The following SORCS3 variants were observed in gnomAD, a reference collection of about 807,000 sequenced individuals.
The protein encoded by SORCS3 is VPS10 domain-containing receptor SorCS3.
SORCS3 carries 57 observed loss-of-function variants against 146.3 expected under a neutral mutation model. That is an observed-to-expected ratio of 0.39 (90% CI 0.31 to 0.49). The LOEUF is 0.49. Among genes scored for constraint, SORCS3 ranks in the 20% least tolerant of loss-of-function variants. SORCS3 has a pLI of 0.92. For missense variants in SORCS3, 1,341 were observed against 1,575.5 expected (o/e 0.85, Z 2.52); for synonymous variants, 653 against 618.5 (o/e 1.06, Z -0.83).
At chr10:105,205,085 A>G (rs1277839633) in intron 16 of SORCS3, among the ~76,000 whole-genome samples, 1 of 152,156 alleles carries the variant, frequency 6.6e-6, no homozygotes, top group East Asian at 1.9e-4. Flanking sequence ...ATGTTTCCCT[A>G]GGCCAAATCA....
intron 3 of SORCS3, among the ~76,000 whole-genome samples, chr10:104,969,885 T>A (rs1469972758): frequency 2.0e-5 from 3 of 152,178 alleles, no homozygotes; most frequent in Non-Finnish European, 4.4e-5. Context: ...GAAACAGAGC[T>A]AGGGGAAGAA....
Position 105,214,631 on chromosome 10 carries a change from T to C in SORCS3, c.2547+18T>C. 1 of 1,541,096 alleles carries C rather than the reference T, an allele frequency of 6.5e-7. No individual in the cohort carries two copies. The highest frequency in any genetic ancestry group is 8.7e-7 in the Non-Finnish European group (1 of 1,144,838). On this transcript the variant is annotated intron_variant, in intron 18 of 26. Coordinates refer to ENST00000369701, the MANE Select transcript of SORCS3 (RefSeq NM_014978.3). ...TGGAGGAGGTAGGTGCTCAACTGGGTCTCTGAGGTCAGAACTCCCAACCAG... is the reference window on the plus strand; with the variant it reads ...TGGAGGAGGTAGGTGCTCAACTGGGCCTCTGAGGTCAGAACTCCCAACCAG...
intron 5 of SORCS3, among the ~76,000 whole-genome samples, chr10:105,080,328 C>T (rs976125925): frequency 6.6e-6 from 1 of 152,174 alleles, no homozygotes. Context: ...AGCTGTTTTT[C>T]ATATGCTTGC....
chr10:104,795,629 C>T (rs2451463), intron 1 of SORCS3, among the ~76,000 whole-genome samples: 74,344 of 152,096 alleles, frequency 0.49, 18,797 homozygotes, highest in African/African-American at 0.63. Context: ...TGCCTTGTCA[C>T]TAAATCCGGT....
intron 19 of SORCS3, among the ~76,000 whole-genome samples, chr10:105,222,757 A>G (rs2056711504): frequency 6.6e-6 from 1 of 152,212 alleles, no homozygotes; most frequent in Admixed American, 6.5e-5. Context: ...CCAAATCACA[A>G]TACAGGCTAA....
intron 14 of SORCS3, 68 bp downstream of exon 14, chr10:105,178,241 G>C: frequency 7.7e-7 from 1 of 1,304,252 alleles, no homozygotes; most frequent in East Asian, 2.4e-5. Context: ...TTGAGGCCTT[G>C]GATTTTTCCC....
At chr10:104,931,885 G>A (rs1327605078) in intron 3 of SORCS3, among the ~76,000 whole-genome samples, 1 of 152,172 alleles carries the variant, frequency 6.6e-6, no homozygotes, top group African/African-American at 2.4e-5. Context: ...TATCCAAAGT[G>A]GTCTTTGGCC....
chr10:105,090,972 A>T (rs1456042607), intron 6 of SORCS3, among the ~76,000 whole-genome samples: 1 of 152,190 alleles, frequency 6.6e-6, no homozygotes, highest in African/African-American at 2.4e-5. Context: ...AGAAATGTGC[A>T]TTTGGGGGAA....
chr10:104,804,175 G>A (rs1028897698), intron 1 of SORCS3, among the ~76,000 whole-genome samples: 4 of 152,146 alleles, frequency 2.6e-5, no homozygotes, highest in Admixed American at 6.5e-5. Flanking sequence ...TCTGACAAGT[G>A]TCCAGAAGAT....
chr10:104,977,200 A>G, intron 3 of SORCS3, 135 bp from the exon 4 acceptor site: 1 of 575,876 alleles, frequency 1.7e-6, no homozygotes. Flanking sequence ...TAATACAAGT[A>G]TTTTTTACAG....
chr10:105,007,601 C>A (rs1027142094), intron 4 of SORCS3, among the ~76,000 whole-genome samples: 1 of 152,140 alleles, frequency 6.6e-6, no homozygotes, highest in Non-Finnish European at 1.5e-5. Context: ...TCAGATCCAC[C>A]TGCCTGACAT....
chr10:104,819,833 T>G (rs1478736850), intron 1 of SORCS3, among the ~76,000 whole-genome samples: 1 of 152,110 alleles, frequency 6.6e-6, no homozygotes, highest in Non-Finnish European at 1.5e-5. Context: ...AACTCAGGTT[T>G]TAGGAGGGTG....
At chr10:104,876,284 T>C (rs1476300689) in intron 2 of SORCS3, among the ~76,000 whole-genome samples, 1 of 152,212 alleles carries the variant, frequency 6.6e-6, no homozygotes, top group African/African-American at 2.4e-5. Flanking sequence ...TTACTTGCCT[T>C]GATTTTTCTG....
intron 4 of SORCS3, among the ~76,000 whole-genome samples, chr10:105,005,538 G>A (rs2055089777): frequency 6.6e-6 from 1 of 152,130 alleles, no homozygotes; most frequent in Non-Finnish European, 1.5e-5. Context: ...CAGTAGTGGG[G>A]GGAGGAGGAA....
chr10:105,024,331 T>A (rs1589598877), intron 4 of SORCS3, among the ~76,000 whole-genome samples: 1 of 152,224 alleles, frequency 6.6e-6, no homozygotes, highest in African/African-American at 2.4e-5. Flanking sequence ...TTTGTTCTCA[T>A]GTCCATTAAA....
chr10:104,650,642 C>G (rs930624857), intron 1 of SORCS3, among the ~76,000 whole-genome samples: 6 of 152,220 alleles, frequency 3.9e-5, no homozygotes, highest in Non-Finnish European at 7.3e-5. Flanking sequence ...CTTCCTTGCT[C>G]TCTTGTATCT....
In SORCS3 at chr10:104,977,577, G is replaced by A. The variant is rs564726265; in HGVS notation, c.954+84G>A. The A allele has an allele frequency of 6.8e-5, 89 of 1,316,610 alleles. 2 individuals are homozygous for A. The South Asian group carries it at 1.3e-3, about 19-fold the overall frequency. The allele number at this position is 1,316,610 out of a possible 1,614,324, so 81.6% of individuals were successfully genotyped here. ...ACTTGCTTGCTTAATCCACATTTTG[G>A]AGGGAATTCAGTGACATTTCATCAT... On this transcript the variant is annotated intron_variant, in intron 4 of 26. Transcript: ENST00000369701.
At chr10:104,796,594 T>C (rs535679846) in intron 1 of SORCS3, among the ~76,000 whole-genome samples, 207 of 152,388 alleles carry the variant, frequency 1.4e-3, no homozygotes, top group Middle Eastern at 6.8e-3. Context: ...TTTTTCCATT[T>C]TGTTGGAAAT....
chr10:104,930,486 T>A (rs892374197), intron 3 of SORCS3, among the ~76,000 whole-genome samples: 1 of 152,226 alleles, frequency 6.6e-6, no homozygotes, highest in African/African-American at 2.4e-5. Flanking sequence ...AGCAATGCCA[T>A]GGCTCCATGC....
Sources: allele counts gnomAD v4.1 joint callset (sites outside exome capture counted in the v4.1 genomes callset), GRCh38; gene constraint gnomAD v4.1.1; transcripts MANE v1.5; gene names NCBI Gene and HGNC (gene_info 2026-07-23, HGNC 2026-07-21).